Variants in EXOC6B observed in about 807,000 individuals in gnomAD.
EXOC6B encodes the protein SEC15 homolog B.
A neutral mutation model predicts 113.5 loss-of-function variants in EXOC6B; 54 were observed. The observed-to-expected ratio is 0.48, with a 90% CI of 0.38 to 0.60. The LOEUF (loss-of-function observed/expected upper bound fraction) is 0.60. Ranked by LOEUF, EXOC6B falls within the 20% of genes least tolerant of loss-of-function variation. The pLI, the probability that EXOC6B is intolerant of heterozygous loss-of-function variation, is 0.00. For synonymous variants in EXOC6B, 357 were observed against 339.0 expected (o/e 1.05, Z -0.58); for missense variants, 797 against 977.5 (o/e 0.82, Z 2.46).
intron 19 of EXOC6B, among the ~76,000 whole-genome samples, chr2:72,336,610 C>T (rs1688705071): frequency 6.6e-6 from 1 of 152,104 alleles, no homozygotes; most frequent in South Asian, 2.1e-4. Context: ...ATATGGCATG[C>T]TTGGCAGTAC....
At chr2:72,347,922 A>G (rs940016890) in intron 19 of EXOC6B, among the ~76,000 whole-genome samples, 6 of 152,296 alleles carry the variant, frequency 3.9e-5, no homozygotes, top group Non-Finnish European at 8.8e-5. Flanking sequence ...TATGAATTCT[A>G]TTTTTATATT....
At chr2:72,813,580 A>G (rs1226828304) in intron 1 of EXOC6B, among the ~76,000 whole-genome samples, 1 of 152,214 alleles carries the variant, frequency 6.6e-6, no homozygotes, top group East Asian at 1.9e-4. Context: ...TTACCTGACC[A>G]AAAACAAAAT....
chr2:72,724,068 G>T (rs1334546191), intron 5 of EXOC6B, among the ~76,000 whole-genome samples: 1 of 152,114 alleles, frequency 6.6e-6, no homozygotes, highest in Non-Finnish European at 1.5e-5. Context: ...AAGTTGTGTG[G>T]CAGAGTTCCC....
Position 72,559,492 on chromosome 2 carries a change from G to T in EXOC6B, c.876C>A (p.Phe292Leu), listed in dbSNP as rs1334680455. 6.2e-7 allele frequency: 1 copy of T among 1,612,930 alleles called. No individual in the cohort carries two copies. The highest frequency in any genetic ancestry group is 1.3e-5 in the African/African-American group (1 of 74,934). The change falls in exon 8 of 22, where the codon TTC becomes TTA. Residue 292 changes from phenylalanine to leucine, a missense_variant. Coordinates refer to ENST00000272427, the MANE Select transcript of EXOC6B (RefSeq NM_015189.3). ...TATGTAGACATCGATAAACTGGAGAGAAATCCACCAAATCTTGGGCCCCAG... is the reference window on the plus strand; with the variant it reads ...TATGTAGACATCGATAAACTGGAGATAAATCCACCAAATCTTGGGCCCCAG... Reference protein sequence around the residue: ...EVPGAQDLVDFSPVYRCLHIY... With the variant: ...EVPGAQDLVDLSPVYRCLHIY...
intron 6 of EXOC6B, among the ~76,000 whole-genome samples, chr2:72,699,773 A>G (rs908209498): frequency 6.6e-6 from 1 of 152,214 alleles, no homozygotes; most frequent in Non-Finnish European, 1.5e-5. Flanking sequence ...CACCAGGGTA[A>G]AATTACCAAA....
At chr2:72,421,159 T>G (rs1694845009) in intron 18 of EXOC6B, among the ~76,000 whole-genome samples, 1 of 152,238 alleles carries the variant, frequency 6.6e-6, no homozygotes, top group Non-Finnish European at 1.5e-5. Context: ...ATGGATAGAT[T>G]GCAAAAACTT....
intron 6 of EXOC6B, among the ~76,000 whole-genome samples, chr2:72,641,812 C>T (rs1350748828): frequency 5.9e-5 from 9 of 151,964 alleles, no homozygotes; most frequent in Non-Finnish European, 8.8e-5. Flanking sequence ...CTCCCAGTAG[C>T]GGCCGACTGA....
At chr2:72,565,841 G>A (rs1375260713) in intron 7 of EXOC6B, among the ~76,000 whole-genome samples, 1 of 152,092 alleles carries the variant, frequency 6.6e-6, no homozygotes, top group Non-Finnish European at 1.5e-5. Context: ...GCATTGCTGG[G>A]GTGGGTGGTG....
At chr2:72,450,747 T>A (rs1306373734) in intron 18 of EXOC6B, among the ~76,000 whole-genome samples, 3 of 152,182 alleles carry the variant, frequency 2.0e-5, no homozygotes, top group Non-Finnish European at 4.4e-5. Context: ...TAGCATAGAA[T>A]AAGTATGATT....
At chr2:72,783,480 T>C in intron 1 of EXOC6B, among the ~76,000 whole-genome samples, 1 of 151,728 alleles carries the variant, frequency 6.6e-6, no homozygotes. Context: ...TGGGCCACCA[T>C]GCCCAGCTAA....
intron 19 of EXOC6B, among the ~76,000 whole-genome samples, chr2:72,365,137 TG>T (rs1690541021): frequency 6.6e-6 from 1 of 152,112 alleles, no homozygotes; most frequent in Non-Finnish European, 1.5e-5. Flanking sequence ...GTGAAAGGCA[TG>T]GGAGTGTGCT....
intron 18 of EXOC6B, among the ~76,000 whole-genome samples, chr2:72,381,177 A>G (rs1358225059): frequency 6.6e-6 from 1 of 152,164 alleles, no homozygotes; most frequent in Non-Finnish European, 1.5e-5. Flanking sequence ...ATTATTTTAC[A>G]TATTTTGAAA....
At chr2:72,769,313 C>G (rs1248749395) in intron 1 of EXOC6B, among the ~76,000 whole-genome samples, 1 of 151,928 alleles carries the variant, frequency 6.6e-6, no homozygotes. Flanking sequence ...AATGGTGACT[C>G]TACGAAATAA....
intron 8 of EXOC6B, 144 bp from the exon 9 acceptor site, chr2:72,515,270 T>C (rs1003528229): frequency 1.3e-5 from 12 of 914,674 alleles, no homozygotes; most frequent in Admixed American, 5.2e-5. Flanking sequence ...ATGATAACAA[T>C]AGAAAATACA....
intron 8 of EXOC6B, among the ~76,000 whole-genome samples, chr2:72,532,277 A>G (rs1419281968): frequency 2.0e-5 from 3 of 152,216 alleles, no homozygotes; most frequent in African/African-American, 7.2e-5. Flanking sequence ...AGTCATTTCA[A>G]AAATGCAAGT....
chr2:72,537,366 C>T (rs1197866628), intron 8 of EXOC6B, among the ~76,000 whole-genome samples: 1 of 151,222 alleles, frequency 6.6e-6, no homozygotes, highest in East Asian at 1.9e-4. Flanking sequence ...CACTGGGAGG[C>T]TGAGGCAGGT....
chr2:72,232,599 CTTT>C (rs1681696308), intron 20 of EXOC6B, among the ~76,000 whole-genome samples: 1 of 151,950 alleles, frequency 6.6e-6, no homozygotes, highest in Non-Finnish European at 1.5e-5. Context: ...AAAAATTGTA[CTTT>C]AAAAGGCAGA....
intron 6 of EXOC6B, among the ~76,000 whole-genome samples, chr2:72,580,120 G>A (rs2103855970): frequency 6.9e-6 from 1 of 145,430 alleles, no homozygotes; most frequent in Admixed American, 6.9e-5. Flanking sequence ...TCTTGCCTCT[G>A]AAAAAGAAAT....
intron 7 of EXOC6B, among the ~76,000 whole-genome samples, chr2:72,564,195 A>G (rs1171576742): frequency 6.6e-6 from 1 of 152,190 alleles, no homozygotes; most frequent in Non-Finnish European, 1.5e-5. Flanking sequence ...ACAGCACATT[A>G]AAATAGAAAT....
Sources: gnomAD v4.1 joint callset for allele counts (sites outside exome capture counted in the v4.1 genomes callset) on GRCh38, gnomAD v4.1.1 for gene constraint, MANE v1.5 for transcripts, NCBI Gene and HGNC (gene_info 2026-07-23, HGNC 2026-07-21) for gene names.